NUDCD3: variants seen among roughly 807,000 people sequenced by gnomAD.
NUDCD3 encodes the protein NudC domain containing 3.
NUDCD3 carries 13 observed loss-of-function variants against 39.7 expected under a neutral mutation model. That is an observed-to-expected ratio of 0.33 (90% CI 0.21 to 0.52). The LOEUF is 0.52. Among genes scored for constraint, NUDCD3 ranks in the 20% least tolerant of loss-of-function variants. NUDCD3 has a pLI of 0.96. For missense variants in NUDCD3, 453 were observed against 458.1 expected (o/e 0.99, Z 0.10); for synonymous variants, 175 against 172.4 (o/e 1.02, Z -0.12).
At chr7:44,458,005 T>C (rs1423401893) in intron 2 of NUDCD3, among the ~76,000 whole-genome samples, 1 of 152,190 alleles carries the variant, frequency 6.6e-6, no homozygotes, top group African/African-American at 2.4e-5. Flanking sequence ...AATGAACATA[T>C]ATGTCTACAC....
chr7:44,480,941 C>CAAA (rs1164765600), intron 2 of NUDCD3, among the ~76,000 whole-genome samples: 14 of 34,882 alleles, frequency 4.0e-4, no homozygotes, highest in Admixed American at 1.1e-3. Context: ...GACCCAGTAT[C>CAAA]AAAAAAAAAA....
intron 2 of NUDCD3, among the ~76,000 whole-genome samples, chr7:44,477,944 C>T (rs1009161026): frequency 1.3e-5 from 2 of 150,732 alleles, no homozygotes; most frequent in Non-Finnish European, 2.9e-5. Flanking sequence ...TGCAATTCTG[C>T]TGCCTCAGCC....
chr7:44,389,552 T>G (rs1798470930), intron 5 of NUDCD3, among the ~76,000 whole-genome samples: 1 of 152,140 alleles, frequency 6.6e-6, no homozygotes, highest in Non-Finnish European at 1.5e-5. Flanking sequence ...GCCTTAGGCC[T>G]CCAGAAATGG....
intron 2 of NUDCD3, among the ~76,000 whole-genome samples, chr7:44,456,089 C>G (rs1164536499): frequency 2.1e-5 from 2 of 94,690 alleles, no homozygotes; most frequent in African/African-American, 8.0e-5. Context: ...TTCCAGAAAA[C>G]AAGAAAAGAG....
intron 1 of NUDCD3, 197 bp downstream of exon 1, chr7:44,490,212 C>G (rs1285486583): frequency 1.7e-6 from 1 of 573,068 alleles, no homozygotes; most frequent in African/African-American, 2.0e-5. Flanking sequence ...AACCTCAGGA[C>G]GTCCGGAGCG....
At chr7:44,432,740 G>A (rs994550636) in intron 2 of NUDCD3, among the ~76,000 whole-genome samples, 1 of 152,072 alleles carries the variant, frequency 6.6e-6, no homozygotes, top group Non-Finnish European at 1.5e-5. Context: ...ACTACATTGC[G>A]CAAAAGCCAC....
rs10585173 is a variant in NUDCD3 at position 44,396,087 on chromosome 7, TTGTGTG to T, written c.787-3608_787-3603del. 7.4e-3 allele frequency among the ~76,000 whole-genome samples: 1,077 copies of T among 144,974 alleles called. 8 individuals carry two copies. The highest frequency in any genetic ancestry group is 0.021 in the African/African-American group (789 of 38,432). On this transcript the variant is annotated intron_variant, in intron 4 of 5. Coordinates refer to ENST00000355451, the MANE Select transcript of NUDCD3 (RefSeq NM_015332.4). ...CCTCACCAACACTTGTTATCTTCTG[TTGTGTG>T]TGTGTGTGTGTGTGTGTGTGTGTGT...
At chr7:44,489,293 T>A (rs982668783) in intron 1 of NUDCD3, among the ~76,000 whole-genome samples, 1 of 152,228 alleles carries the variant, frequency 6.6e-6, no homozygotes, top group African/African-American at 2.4e-5. Context: ...ATGGCACTTA[T>A]GCCACTGACA....
chr7:44,459,992 A>G (rs746062378), intron 2 of NUDCD3, among the ~76,000 whole-genome samples: 7 of 152,238 alleles, frequency 4.6e-5, no homozygotes, highest in Non-Finnish European at 1.0e-4. Context: ...TAAAGAAATC[A>G]AACAATATTA....
At chr7:44,415,120 G>T (rs1798996166) in intron 3 of NUDCD3, among the ~76,000 whole-genome samples, 1 of 152,172 alleles carries the variant, frequency 6.6e-6, no homozygotes, top group Admixed American at 6.5e-5. Context: ...CTTGGTTCTG[G>T]TCTATGATCT....
In NUDCD3 at chr7:44,383,471, T is replaced by C. The variant is rs1798344193; in HGVS notation, c.*2540A>G. ...CCAGATGGGAAACAACCCCTAAGAA[T>C]TCCCCATGCTGGTGTTTGCTGTGTA... On this transcript the variant is annotated 3_prime_UTR_variant, in exon 6 of 6. Coordinates refer to ENST00000355451, the MANE Select transcript of NUDCD3 (RefSeq NM_015332.4). 6.6e-6 allele frequency: 1 copy of C among 152,258 alleles called. No homozygotes were observed. The highest frequency in any genetic ancestry group is 6.5e-5 in the Admixed American group (1 of 15,286). 9.4% of individuals were successfully genotyped at this position (152,258 alleles called of 1,614,324 possible). A position where few individuals can be genotyped will look rare whatever the true frequency, so the allele number is the denominator to read the frequency against.
chr7:44,402,942 G>A, intron 4 of NUDCD3: 1 of 243,204 alleles, frequency 4.1e-6, no homozygotes, highest in Non-Finnish European at 8.4e-6. Context: ...GGCCGTAATG[G>A]CATCTGCAAA....
At chr7:44,476,711 C>T (rs1047978131) in intron 2 of NUDCD3, among the ~76,000 whole-genome samples, 1 of 152,176 alleles carries the variant, frequency 6.6e-6, no homozygotes, top group African/African-American at 2.4e-5. Context: ...ATTCGGCATG[C>T]ACTGGGGGGG....
chr7:44,386,714 C>G (rs1003171276), intron 5 of NUDCD3, among the ~76,000 whole-genome samples: 1 of 152,222 alleles, frequency 6.6e-6, no homozygotes, highest in Non-Finnish European at 1.5e-5. Context: ...GAATTCCCCA[C>G]TGCATCCTTG....
At chr7:44,431,426 C>T (rs1799359966) in intron 2 of NUDCD3, among the ~76,000 whole-genome samples, 2 of 152,148 alleles carry the variant, frequency 1.3e-5, no homozygotes, top group Admixed American at 1.3e-4. Flanking sequence ...TGGGGATAGG[C>T]CAGACCCTTC....
intron 3 of NUDCD3, among the ~76,000 whole-genome samples, chr7:44,409,951 C>CAAGCAAA (rs1047183511): frequency 1.3e-5 from 2 of 152,042 alleles, no homozygotes; most frequent in African/African-American, 4.8e-5. Context: ...GAAGAAAGAA[C>CAAGCAAA]AAGCAAACTT....
intron 2 of NUDCD3, among the ~76,000 whole-genome samples, chr7:44,432,443 G>A (rs1799382065): frequency 6.6e-6 from 1 of 152,212 alleles, no homozygotes; most frequent in Non-Finnish European, 1.5e-5. Flanking sequence ...GACAAGGGCT[G>A]ACCTCAAGCT....
chr7:44,476,704 C>T (rs1014671871), intron 2 of NUDCD3, among the ~76,000 whole-genome samples: 6 of 152,148 alleles, frequency 3.9e-5, no homozygotes, highest in Admixed American at 2.0e-4. Context: ...AAATGGAATT[C>T]GGCATGCACT....
intron 2 of NUDCD3, among the ~76,000 whole-genome samples, chr7:44,476,956 G>C (rs771315084): frequency 1.3e-5 from 2 of 152,146 alleles, no homozygotes; most frequent in Non-Finnish European, 2.9e-5. Flanking sequence ...GGAGCAGCCT[G>C]ATGATGATGA....
Sources: allele counts gnomAD v4.1 joint callset (sites outside exome capture counted in the v4.1 genomes callset), GRCh38; gene constraint gnomAD v4.1.1; transcripts MANE v1.5; gene names NCBI Gene and HGNC (gene_info 2026-07-23, HGNC 2026-07-21).